The following PABPC4L variants were observed in gnomAD, a reference collection of about 807,000 sequenced individuals.
PABPC4L encodes polyadenylate-binding protein 4-like.
For missense variants in PABPC4L, 452 were observed against 451.4 expected, an observed-to-expected ratio of 1.00 and a Z score of -0.01; for synonymous variants, 169 against 164.1, an observed-to-expected ratio of 1.03 and a Z score of -0.23.
the PABPC4L span, among the ~76,000 whole-genome samples, chr4:134,164,195 G>A: frequency 1.4e-5 from 2 of 144,940 alleles, no homozygotes; most frequent in Non-Finnish European, 3.0e-5. Context: ...CCCGGGAGGC[G>A]GAGCTTGCAG....
the PABPC4L span, among the ~76,000 whole-genome samples, chr4:134,009,531 T>G: frequency 2.4e-4 from 36 of 152,108 alleles, no homozygotes; most frequent in African/African-American, 8.4e-4. Context: ...TCAATAGATG[T>G]TTGGGCAGCA....
At chr4:134,012,377 C>T in the PABPC4L span, among the ~76,000 whole-genome samples, 1 of 152,066 alleles carries the variant, frequency 6.6e-6, no homozygotes, top group Non-Finnish European at 1.5e-5. Context: ...ATTCCTTCTC[C>T]TGGCTCATCC....
chr4:134,108,672 T>C, the PABPC4L span, among the ~76,000 whole-genome samples: 2 of 151,866 alleles, frequency 1.3e-5, no homozygotes, highest in Non-Finnish European at 2.9e-5. Flanking sequence ...TGAATTTTGA[T>C]GTTCATTGAC....
the PABPC4L span, among the ~76,000 whole-genome samples, chr4:134,127,347 A>C: frequency 6.6e-6 from 1 of 152,036 alleles, no homozygotes; most frequent in African/African-American, 2.4e-5. Flanking sequence ...GACTACCAAC[A>C]CAAAACCAGT....
the PABPC4L span, among the ~76,000 whole-genome samples, chr4:134,012,036 T>C: frequency 6.6e-6 from 1 of 152,172 alleles, no homozygotes; most frequent in East Asian, 1.9e-4. Context: ...TATTAATATA[T>C]TTATTCTTGA....
At chr4:134,060,603 G>C in the PABPC4L span, among the ~76,000 whole-genome samples, 1 of 151,792 alleles carries the variant, frequency 6.6e-6, no homozygotes, top group Non-Finnish European at 1.5e-5. Context: ...TGCACCAGAA[G>C]GGAACTTGCT....
chr4:134,176,393 G>A, the PABPC4L span, among the ~76,000 whole-genome samples: 68 of 152,208 alleles, frequency 4.5e-4, no homozygotes, highest in African/African-American at 1.1e-3. Context: ...GCTTATCCCC[G>A]TAATCCCAGC....
the PABPC4L span, among the ~76,000 whole-genome samples, chr4:133,991,893 G>T: frequency 3.3e-5 from 5 of 152,208 alleles, no homozygotes; most frequent in Non-Finnish European, 7.3e-5. Flanking sequence ...GAGTTTCGGG[G>T]TGTAATGGAA....
chr4:134,026,163 T>C, the PABPC4L span, among the ~76,000 whole-genome samples: 3 of 152,114 alleles, frequency 2.0e-5, no homozygotes, highest in African/African-American at 7.2e-5. Flanking sequence ...TAGTCTCTTA[T>C]TTAAAAAAGG....
chr4:134,162,237 A>G, the PABPC4L span, among the ~76,000 whole-genome samples: 6 of 152,094 alleles, frequency 3.9e-5, no homozygotes, highest in Non-Finnish European at 7.4e-5. Context: ...TTCCCTAGCA[A>G]TAACAACATT....
chr4:134,142,178 T>C, the PABPC4L span, among the ~76,000 whole-genome samples: 2 of 151,716 alleles, frequency 1.3e-5, no homozygotes, highest in Non-Finnish European at 3.0e-5. Flanking sequence ...TTAGTAGTTC[T>C]TGGGCAGTAG....
chr4:134,109,017 G>C, the PABPC4L span, among the ~76,000 whole-genome samples: 1 of 151,850 alleles, frequency 6.6e-6, no homozygotes, highest in Non-Finnish European at 1.5e-5. Flanking sequence ...CAGGTGAACA[G>C]TTCAACATAT....
At position 134,198,701 on chromosome 4, in the gene PABPC4L, C is replaced by T. The variant is rs1729743276; in HGVS notation, c.*1206G>A. 6.6e-6 allele frequency: 1 copy of T among 151,648 alleles called. No homozygotes were observed. Among genetic ancestry groups the T allele is most frequent in the Non-Finnish European group, 1.5e-5 (1 of 67,784 alleles). 9.4% of individuals were successfully genotyped at this position (151,648 alleles called of 1,614,324 possible). A position where few individuals can be genotyped will look rare whatever the true frequency, so the allele number is the denominator to read the frequency against. On this transcript the variant is annotated 3_prime_UTR_variant, in exon 2 of 2. Transcript: ENST00000421491. The stretch of plus-strand genomic sequence containing the variant: ...ATTTGAAGCAGCACATATTAAAAGC[C>T]AACATAAAAAAATCCTTTAGAAAGT...
At chr4:133,968,296 C>A in the PABPC4L span, among the ~76,000 whole-genome samples, 30 of 152,168 alleles carry the variant, frequency 2.0e-4, no homozygotes, top group African/African-American at 7.0e-4. Flanking sequence ...AGAATAATCT[C>A]ATTTTGTGGA....
chr4:133,984,886 A>G, the PABPC4L span, among the ~76,000 whole-genome samples: 1 of 151,946 alleles, frequency 6.6e-6, no homozygotes, highest in African/African-American at 2.4e-5. Context: ...GAGGGAATCA[A>G]ATGGTAGAAA....
chr4:134,102,371 A>G, the PABPC4L span, among the ~76,000 whole-genome samples: 1 of 151,532 alleles, frequency 6.6e-6, no homozygotes, highest in African/African-American at 2.4e-5. Context: ...AGAAATTTTT[A>G]CCTTGTCTGA....
At chr4:134,178,322 T>C in the PABPC4L span, among the ~76,000 whole-genome samples, 1 of 128,346 alleles carries the variant, frequency 7.8e-6, no homozygotes, top group Non-Finnish European at 1.6e-5. Context: ...AAACACACCA[T>C]ATACCATAAT....
the PABPC4L span, among the ~76,000 whole-genome samples, chr4:134,093,795 T>A: frequency 6.6e-6 from 1 of 151,616 alleles, no homozygotes; most frequent in Non-Finnish European, 1.5e-5. Context: ...TAATTTCTTT[T>A]TTCTGTTTAT....
chr4:134,046,436 G>A, the PABPC4L span, among the ~76,000 whole-genome samples: 2 of 152,080 alleles, frequency 1.3e-5, no homozygotes, highest in East Asian at 1.9e-4. Flanking sequence ...CAGAATAGAA[G>A]GAATGTACCA....
Sources: gnomAD v4.1 joint callset for allele counts (sites outside exome capture counted in the v4.1 genomes callset) on GRCh38, gnomAD v4.1.1 for gene constraint, MANE v1.5 for transcripts, NCBI Gene and HGNC (gene_info 2026-07-23, HGNC 2026-07-21) for gene names.